The following HDAC9 variants were observed in gnomAD, a reference collection of about 807,000 sequenced individuals.
The protein encoded by HDAC9 is MEF-2 interacting transcription repressor (MITR) protein.
HDAC9 carries 41 observed loss-of-function variants against 139.4 expected under a neutral mutation model. That is an observed-to-expected ratio of 0.29 (90% CI 0.23 to 0.38). HDAC9 has a LOEUF of 0.38. Among genes scored for constraint, HDAC9 ranks in the 10% least tolerant of loss-of-function variants. The pLI is 1.00. For synonymous variants in HDAC9, 517 were observed against 476.2 expected (o/e 1.09, Z -1.12); for missense variants, 1,147 against 1,297.0 (o/e 0.88, Z 1.78).
At chr7:18,499,157 T>C (rs112939837) in intron 2 of HDAC9, among the ~76,000 whole-genome samples, 2,879 of 152,118 alleles carry the variant, frequency 0.019, 91 homozygotes, top group African/African-American at 0.066. Flanking sequence ...CAGTATGTGA[T>C]TGAACAGTGA....
intron 2 of HDAC9, among the ~76,000 whole-genome samples, chr7:18,217,132 T>C (rs1034028158): frequency 6.6e-6 from 1 of 152,174 alleles, no homozygotes; most frequent in African/African-American, 2.4e-5. Flanking sequence ...TTCATCTCTT[T>C]AGGGTTTATA....
chr7:18,513,380 G>A, intron 2 of HDAC9, among the ~76,000 whole-genome samples: 1 of 152,176 alleles, frequency 6.6e-6, no homozygotes, highest in East Asian at 1.9e-4. Context: ...ATAGAGAGGT[G>A]ATAATTTAGT....
chr7:18,896,607 G>C (rs1801221162), intron 22 of HDAC9, among the ~76,000 whole-genome samples: 1 of 151,932 alleles, frequency 6.6e-6, no homozygotes, highest in Non-Finnish European at 1.5e-5. Context: ...TCATTCTTGG[G>C]CATGATCTTC....
intron 21 of HDAC9, among the ~76,000 whole-genome samples, chr7:18,870,709 C>T (rs1298703954): frequency 5.3e-5 from 8 of 152,030 alleles, no homozygotes; most frequent in South Asian, 4.2e-4. Flanking sequence ...GGTCTTGCTC[C>T]GTCACCTAGG....
At chr7:18,293,470 G>A (rs1036451418) in intron 1 of HDAC9, among the ~76,000 whole-genome samples, 1 of 152,062 alleles carries the variant, frequency 6.6e-6, no homozygotes, top group African/African-American at 2.4e-5. Flanking sequence ...AGAACACATG[G>A]ACACAGGAAG....
At chr7:18,752,480 T>C (rs1788537004) in intron 14 of HDAC9, among the ~76,000 whole-genome samples, 1 of 152,118 alleles carries the variant, frequency 6.6e-6, no homozygotes, top group South Asian at 2.1e-4. Context: ...TACTTCTAAA[T>C]AGGCTAGAAG....
At chr7:18,844,569 G>A (rs2129218359) in intron 21 of HDAC9, among the ~76,000 whole-genome samples, 1 of 152,264 alleles carries the variant, frequency 6.6e-6, no homozygotes, top group East Asian at 1.9e-4. Flanking sequence ...CGCCTAGGAT[G>A]TATATTTTTA....
At chr7:18,205,100 A>G (rs1015194960) in intron 2 of HDAC9, among the ~76,000 whole-genome samples, 10 of 151,894 alleles carry the variant, frequency 6.6e-5, no homozygotes, top group African/African-American at 9.7e-5. Context: ...TATGGCATAC[A>G]TTTTGATCCA....
chr7:18,448,176 T>C (rs1792472681), intron 1 of HDAC9, among the ~76,000 whole-genome samples: 1 of 152,148 alleles, frequency 6.6e-6, no homozygotes, highest in South Asian at 2.1e-4. Flanking sequence ...TCTGGAGGTA[T>C]TCTCCTGTGA....
At chr7:18,818,767 G>A (rs916763927) in intron 17 of HDAC9, among the ~76,000 whole-genome samples, 1 of 152,058 alleles carries the variant, frequency 6.6e-6, no homozygotes, top group African/African-American at 2.4e-5. Flanking sequence ...TGATTTTGAA[G>A]CCTAAATTAC....
At chr7:18,816,298 T>C (rs1288496199) in intron 17 of HDAC9, among the ~76,000 whole-genome samples, 2 of 152,240 alleles carry the variant, frequency 1.3e-5, no homozygotes, top group Non-Finnish European at 2.9e-5. Flanking sequence ...TCAACTTTCA[T>C]ATTATTGTTG....
chr7:18,966,700 C>CA (rs1783877781), intron 24 of HDAC9, among the ~76,000 whole-genome samples: 1 of 131,492 alleles, frequency 7.6e-6, no homozygotes, highest in South Asian at 2.8e-4. Flanking sequence ...GACTCCGACT[C>CA]AAAAAAACAA....
intron 22 of HDAC9, among the ~76,000 whole-genome samples, chr7:18,885,138 C>T (rs10252839): frequency 0.04 from 6,153 of 152,240 alleles, 295 homozygotes; most frequent in African/African-American, 0.11. Context: ...TCAAGGACTG[C>T]GGAGGGCAAT....
chr7:18,210,841 T>C (rs1476985182), intron 2 of HDAC9, among the ~76,000 whole-genome samples: 1 of 152,194 alleles, frequency 6.6e-6, no homozygotes, highest in Non-Finnish European at 1.5e-5. Context: ...TAATCTTCCA[T>C]GACAGTCCGG....
chr7:18,580,122 C>T (rs892496944), intron 2 of HDAC9, among the ~76,000 whole-genome samples: 2 of 152,080 alleles, frequency 1.3e-5, no homozygotes, highest in African/African-American at 4.8e-5. Context: ...TTTAACGACC[C>T]TTGAATTAAA....
chr7:18,222,152 AAC>A (rs1303318821), intron 2 of HDAC9, among the ~76,000 whole-genome samples: 1 of 152,192 alleles, frequency 6.6e-6, no homozygotes, highest in African/African-American at 2.4e-5. Context: ...TAAATTATAA[AAC>A]ACATTTTGAA....
At chr7:18,834,474 C>T (rs994950304) in intron 19 of HDAC9, among the ~76,000 whole-genome samples, 6 of 148,250 alleles carry the variant, frequency 4.0e-5, no homozygotes, top group Non-Finnish European at 5.9e-5. Flanking sequence ...AATTCTGGCA[C>T]GTATCTGTAT....
At chr7:18,943,392 C>G (rs1267146979) in intron 23 of HDAC9, among the ~76,000 whole-genome samples, 1 of 152,000 alleles carries the variant, frequency 6.6e-6, no homozygotes, top group African/African-American at 2.4e-5. Context: ...ATTTATTATC[C>G]TCTTTCCAAT....
At chr7:18,616,236 C>T (rs964380755) in intron 6 of HDAC9, among the ~76,000 whole-genome samples, 2 of 152,180 alleles carry the variant, frequency 1.3e-5, no homozygotes, top group Non-Finnish European at 2.9e-5. Flanking sequence ...GATACAGTCA[C>T]AAATTCTGGG....
Sources: allele counts gnomAD v4.1 joint callset (sites outside exome capture counted in the v4.1 genomes callset), GRCh38; gene constraint gnomAD v4.1.1; transcripts MANE v1.5; gene names NCBI Gene and HGNC (gene_info 2026-07-23, HGNC 2026-07-21).